Variants in HS3ST4 observed in about 807,000 individuals in gnomAD.
HS3ST4 encodes the protein heparan sulfate-glucosamine 3-sulfotransferase 4.
A neutral mutation model predicts 29.2 loss-of-function variants in HS3ST4; 17 were observed. The observed-to-expected ratio is 0.58, with a 90% CI of 0.40 to 0.87. The LOEUF is 0.87. Ranked by LOEUF, HS3ST4 falls within the 40% of genes least tolerant of loss-of-function variation. The pLI, the probability that HS3ST4 is intolerant of heterozygous loss-of-function variation, is 0.00. For synonymous variants in HS3ST4, 314 were observed against 285.7 expected, an observed-to-expected ratio of 1.10 and a Z score of -1.00; for missense variants, 627 against 634.5, an observed-to-expected ratio of 0.99 and a Z score of 0.13.
At chr16:25,921,541 A>G (rs951181721) in intron 1 of HS3ST4, among the ~76,000 whole-genome samples, 5 of 152,186 alleles carry the variant, frequency 3.3e-5, no homozygotes, top group East Asian at 3.9e-4. Context: ...GAGAAAGAAG[A>G]AAGTCAGAAA....
At chr16:25,941,602 A>C (rs1409192653) in intron 1 of HS3ST4, among the ~76,000 whole-genome samples, 2 of 151,524 alleles carry the variant, frequency 1.3e-5, no homozygotes, top group African/African-American at 2.4e-5. Flanking sequence ...TTTGAGACGG[A>C]GTCTTGCTCT....
intron 1 of HS3ST4, among the ~76,000 whole-genome samples, chr16:25,913,815 G>A (rs1264158263): frequency 2.6e-5 from 4 of 151,524 alleles, no homozygotes; most frequent in African/African-American, 9.7e-5. Context: ...TGTGGGGTGT[G>A]TGTGCACGGG....
At chr16:25,811,812 C>T (rs1054136643) in intron 1 of HS3ST4, among the ~76,000 whole-genome samples, 6 of 152,026 alleles carry the variant, frequency 3.9e-5, no homozygotes, top group Non-Finnish European at 8.8e-5. Context: ...TGTTAATCAA[C>T]CGTTTATGTT....
intron 1 of HS3ST4, among the ~76,000 whole-genome samples, chr16:25,903,379 A>G (rs927449746): frequency 1.3e-4 from 19 of 148,296 alleles, no homozygotes; most frequent in Non-Finnish European, 2.7e-4. Flanking sequence ...ATATATATAT[A>G]TATAAAATCA....
chr16:25,765,230 A>G (rs967838775), intron 1 of HS3ST4, among the ~76,000 whole-genome samples: 1 of 152,238 alleles, frequency 6.6e-6, no homozygotes, highest in Non-Finnish European at 1.5e-5. Context: ...TGAAAAGGAA[A>G]CGAATTCTGG....
At chr16:25,995,316 TGCA>T in intron 1 of HS3ST4, among the ~76,000 whole-genome samples, 1 of 152,348 alleles carries the variant, frequency 6.6e-6, no homozygotes, top group East Asian at 1.9e-4. Flanking sequence ...TAGCATTTGC[TGCA>T]GGTATGGCTG....
intron 1 of HS3ST4, among the ~76,000 whole-genome samples, chr16:25,736,037 C>G (rs186464737): frequency 3.0e-4 from 46 of 152,318 alleles, no homozygotes; most frequent in African/African-American, 1.1e-3. Context: ...TCACCAAGTT[C>G]TACCTAACTT....
chr16:25,747,462 A>G (rs1210936234), intron 1 of HS3ST4, among the ~76,000 whole-genome samples: 1 of 152,242 alleles, frequency 6.6e-6, no homozygotes, highest in Non-Finnish European at 1.5e-5. Context: ...AGAACTCGCA[A>G]CCTGTGGTGG....
chr16:25,919,020 C>CATTTT (rs2141681856), intron 1 of HS3ST4, among the ~76,000 whole-genome samples: 1 of 152,200 alleles, frequency 6.6e-6, no homozygotes, highest in African/African-American at 2.4e-5. Context: ...GTTGGCAATG[C>CATTTT]ATTTTATTTT....
At chr16:26,006,804 C>A (rs910759401) in intron 1 of HS3ST4, among the ~76,000 whole-genome samples, 3 of 152,172 alleles carry the variant, frequency 2.0e-5, no homozygotes, top group Non-Finnish European at 2.9e-5. Flanking sequence ...TATATCTACA[C>A]CTTGGCAGAA....
intron 1 of HS3ST4, among the ~76,000 whole-genome samples, chr16:25,708,907 C>T (rs1966394763): frequency 6.6e-6 from 1 of 152,098 alleles, no homozygotes; most frequent in African/African-American, 2.4e-5. Flanking sequence ...TATGTTAGAA[C>T]ATCTTTAAGG....
At chr16:25,906,208 T>C in intron 1 of HS3ST4, among the ~76,000 whole-genome samples, 1 of 152,200 alleles carries the variant, frequency 6.6e-6, no homozygotes, top group South Asian at 2.1e-4. Flanking sequence ...GACTTCCTTC[T>C]CTTTGTGGGA....
chr16:26,135,044 G>A (rs917003844), intron 1 of HS3ST4, among the ~76,000 whole-genome samples: 4 of 151,788 alleles, frequency 2.6e-5, no homozygotes, highest in Non-Finnish European at 4.4e-5. Flanking sequence ...ACAATTCAGT[G>A]ATTACAAATC....
intron 1 of HS3ST4, among the ~76,000 whole-genome samples, chr16:25,907,084 C>A (rs999614324): frequency 1.3e-5 from 2 of 152,016 alleles, no homozygotes; most frequent in African/African-American, 2.4e-5. Flanking sequence ...GTAGTCCTAG[C>A]GACTAGAGAG....
At chr16:25,984,719 C>T (rs1016624530) in intron 1 of HS3ST4, among the ~76,000 whole-genome samples, 1 of 152,222 alleles carries the variant, frequency 6.6e-6, no homozygotes, top group East Asian at 1.9e-4. Flanking sequence ...GTTCCATCCA[C>T]ATTACCATGA....
At chr16:26,067,783 A>G (rs186589473) in intron 1 of HS3ST4, among the ~76,000 whole-genome samples, 3 of 152,290 alleles carry the variant, frequency 2.0e-5, no homozygotes, top group Non-Finnish European at 2.9e-5. Flanking sequence ...TTGAATCATG[A>G]GAGCGGGTTT....
intron 1 of HS3ST4, among the ~76,000 whole-genome samples, chr16:25,844,749 A>G (rs1286911203): frequency 6.6e-6 from 1 of 152,238 alleles, no homozygotes; most frequent in Non-Finnish European, 1.5e-5. Flanking sequence ...AGATGCATGC[A>G]TGTGTATGTT....
chr16:25,825,701 T>C (rs1362522731), intron 1 of HS3ST4: 1 of 152,222 alleles, frequency 6.6e-6, no homozygotes, highest in Non-Finnish European at 1.5e-5. Flanking sequence ...GTTCACCTTA[T>C]TCAGGCTCTG....
At chr16:25,905,950 A>T (rs1448857607) in intron 1 of HS3ST4, among the ~76,000 whole-genome samples, 1 of 152,184 alleles carries the variant, frequency 6.6e-6, no homozygotes, top group Non-Finnish European at 1.5e-5. Context: ...TCCCCAGAAC[A>T]TGGATTTCTT....
Sources: allele counts gnomAD v4.1 joint callset (sites outside exome capture counted in the v4.1 genomes callset), GRCh38; gene constraint gnomAD v4.1.1; transcripts MANE v1.5; gene names NCBI Gene and HGNC (gene_info 2026-07-23, HGNC 2026-07-21).